The following TMEM141 variants were observed in gnomAD, a reference collection of about 807,000 sequenced individuals.
TMEM141 encodes transmembrane protein 141.
In TMEM141, 18 loss-of-function variants were observed where a neutral mutation model predicts 15.9. The ratio of observed to expected loss-of-function variants is 1.13; its 90% CI spans 0.78 to 1.68. TMEM141 has a LOEUF of 1.68. Among genes scored for constraint, TMEM141 ranks in the 40% most tolerant of loss-of-function variants. The probability of loss-of-function intolerance (pLI) is 0.00; values close to 1 mark genes in which losing one functional copy is unlikely to be tolerated. For synonymous variants in TMEM141, 69 were observed against 54.0 expected (o/e 1.28, Z -1.22); for missense variants, 161 against 139.5 (o/e 1.15, Z -0.78).
chr9:136,792,464 C>G, intron 4 of TMEM141, 106 bp downstream of exon 4: 1 of 938,688 alleles, frequency 1.1e-6, no homozygotes, highest in East Asian at 2.6e-5. Flanking sequence ...GACAAGGTCC[C>G]TCCCTCTGGC....
At position 136,793,114 on chromosome 9, in the gene TMEM141, T is replaced by TG; in HGVS notation, c.*287dup. The TG allele has an allele frequency of 3.6e-6, 1 of 275,768 alleles. No individual in the cohort carries two copies. The highest frequency in any genetic ancestry group is 6.7e-6 in the Non-Finnish European group (1 of 148,902). The allele number at this position is 275,768 out of a possible 1,614,324, so 17.1% of individuals were successfully genotyped here. A position where few individuals can be genotyped will look rare whatever the true frequency, so the allele number is the denominator to read the frequency against. ...GCACTGCCAGCAGAGAGGGTGTGTC[T>TG]GGGGGCCACCACCTATGGGACACGG... On this transcript the variant is annotated 3_prime_UTR_variant, in exon 5 of 5. Transcript: ENST00000290079.
At chr9:136,791,657 G>C in intron 1 of TMEM141, 54 bp from the exon 2 acceptor site, 6 of 1,601,188 alleles carry the variant, frequency 3.7e-6, no homozygotes, top group Non-Finnish European at 5.1e-6. Context: ...GACAGGAGAG[G>C]CGGTGAAGGA....
rs375076549 is a variant in TMEM141 at position 136,792,281 on chromosome 9, C to G, written c.236C>G (p.Thr79Arg). The part of the protein sequence containing the change: ...VAGSVVSYGV[T>R]RVESEKCNNL... The stretch of plus-strand genomic sequence containing the variant: ...GGCTCTGTGGTCAGCTACGGGGTGA[C>G]GAGAGTGGAGTCGGAGAAATGCAAC... The change falls in exon 4 of 5, where the codon ACG (threonine) becomes AGG (arginine). Residue 79 changes from threonine (T) to arginine (R), a missense_variant. Transcript: ENST00000290079. The G allele has an allele frequency of 3.8e-6, 6 of 1,588,140 alleles. No individual in the cohort carries two copies. The East Asian group carries it at 1.4e-4, about 36-fold the overall frequency.
Position 136,791,752 on chromosome 9 carries a change from G to C in TMEM141, c.96G>C (p.Met32Ile). Reference protein sequence around the residue: ...EYAACQSHAFMKGVFTFVTGT... With the variant: ...EYAACQSHAFIKGVFTFVTGT... ...CCGCATGCCAGTCACACGCCTTCAT[G>C]AAGGGCGTTTTCACCTTCGTCACAG... Residue 32 changes from methionine to isoleucine, a missense_variant, in exon 2 of 5, where the codon ATG (methionine) becomes ATC (isoleucine). Coordinates refer to ENST00000290079, the MANE Select transcript of TMEM141 (RefSeq NM_032928.4). 2 of 1,613,612 alleles carry C rather than the reference G, an allele frequency of 1.2e-6. No individual in the cohort carries two copies. The highest frequency in any genetic ancestry group is 1.7e-6 in the Non-Finnish European group (2 of 1,179,932).
At chr9:136,792,166 C>A in intron 3 of TMEM141, 85 bp from the exon 4 acceptor site, 1 of 1,495,676 alleles carries the variant, frequency 6.7e-7, no homozygotes. Flanking sequence ...CCACCCACCA[C>A]GTCTGTCAGG....
Position 136,791,789 on chromosome 9 carries a change from C to A in TMEM141, c.121+12C>A. 1.2e-6 allele frequency: 2 copies of A among 1,612,690 alleles called. No homozygotes were observed. The highest frequency in any genetic ancestry group is 1.7e-6 in the Non-Finnish European group (2 of 1,179,584). ...CACCTTCGTCACAGGTAGGCTGCGT[C>A]CAGGTGTCCTGCGGCTGGGAGAGAA... On this transcript the variant is annotated intron_variant, in intron 2 of 4. Coordinates refer to ENST00000290079, the MANE Select transcript of TMEM141 (RefSeq NM_032928.4).
rs979053085 is a variant in TMEM141, at chr9:136,791,978, C to T, written c.153C>T (p.Phe51=). The T allele has an allele frequency of 3.7e-6, 6 of 1,614,004 alleles. No homozygotes were observed. Among genetic ancestry groups the T allele is most frequent in the Non-Finnish European group, 5.1e-6 (6 of 1,180,028 alleles). ...GTGMAFGLQM[F]IQRKFPYPLQ... ...GCATGGCCTTTGGCTTGCAGATGTT[C>T]ATTCAGAGGAAGTTTCCATACCCTT... is the stretch of plus-strand genomic sequence containing the variant. Residue 51 remains phenylalanine, a synonymous_variant, in exon 3 of 5, where the codon TTC becomes TTT. Transcript: ENST00000290079.
intron 3 of TMEM141, 108 bp from the exon 4 acceptor site, chr9:136,792,143 G>A (rs1847597729): frequency 5.9e-6 from 9 of 1,515,562 alleles, no homozygotes; most frequent in Non-Finnish European, 7.2e-6. Context: ...CTCGGCGGGA[G>A]CCCCACCTGA....
chr9:136,791,765 A>G lies in TMEM141; in HGVS notation c.109A>G (p.Thr37Ala), dbSNP rs773274184. The change falls in exon 2 of 5, where the codon ACC becomes GCC. Residue 37 changes from threonine (T) to alanine (A), a missense_variant. Physicochemically the swap from Thr to Ala is moderately conservative, Grantham distance 58. Coordinates refer to ENST00000290079, the MANE Select transcript of TMEM141 (RefSeq NM_032928.4). ...ACACGCCTTCATGAAGGGCGTTTTC[A>G]CCTTCGTCACAGGTAGGCTGCGTCC... is the stretch of plus-strand genomic sequence containing the variant. ...QSHAFMKGVF[T>A]FVTGTGMAFG... 1.2e-6 allele frequency: 2 copies of G among 1,613,412 alleles called. No homozygotes were observed. The highest frequency in any genetic ancestry group is 1.7e-6 in the Non-Finnish European group (2 of 1,179,872).
In TMEM141 at chr9:136,791,870, G is replaced by T. The variant is rs563963930; in HGVS notation, c.122-77G>T. 93 of 1,609,408 alleles carry T rather than the reference G, an allele frequency of 5.8e-5. No individual in the cohort carries two copies. In the African/African-American group the frequency reaches 1.1e-3, roughly 19 times the overall value. On this transcript the variant is annotated intron_variant, in intron 2 of 4. Transcript: ENST00000290079. ...GCAGGGGGCGCCAAGTCACCTGCCC[G>T]CAGGTGCTGGGGGCCTGGCAAGGTG...
At chr9:136,791,826 G>A in intron 2 of TMEM141, 49 bp downstream of exon 2, 1 of 1,602,048 alleles carries the variant, frequency 6.2e-7, no homozygotes, top group South Asian at 1.1e-5. Context: ...GCACCCTCCC[G>A]CCCTGCCCTG....
In TMEM141 at chr9:136,791,825, C is replaced by T. The variant is rs778867422; in HGVS notation, c.121+48C>T. 4 of 1,608,104 alleles carry T rather than the reference C, an allele frequency of 2.5e-6. 1 individual carries two copies. The highest frequency in any genetic ancestry group is 2.2e-5 in the South Asian group (2 of 90,460). ...GCGGCTGGGAGAGAACGCACCCTCC[C>T]GCCCTGCCCTGACTCCCCAGCAGGG... On this transcript the variant is annotated intron_variant, in intron 2 of 4. Coordinates refer to ENST00000290079, the MANE Select transcript of TMEM141 (RefSeq NM_032928.4).
chr9:136,791,454 C>G lies in TMEM141; in HGVS notation c.54+30C>G, dbSNP rs373124590. The G allele has an allele frequency of 1.8e-5, 28 of 1,551,652 alleles. No individual in the cohort carries two copies. The East Asian group carries it at 3.4e-4, about 19-fold the overall frequency. On this transcript the variant is annotated intron_variant, in intron 1 of 4. Transcript: ENST00000290079. Reference sequence around the variant, plus strand: ...GAAGGCCGGTCTGGGACGCGGGCCTCAAACCCCAGAAGCTGACCTGAGCGA... The same window carrying G: ...GAAGGCCGGTCTGGGACGCGGGCCTGAAACCCCAGAAGCTGACCTGAGCGA...
In TMEM141 at chr9:136,792,886, G is replaced by A. The variant is rs1388488990; in HGVS notation, c.*54G>A. On this transcript the variant is annotated 3_prime_UTR_variant, in exon 5 of 5. Coordinates refer to ENST00000290079, the MANE Select transcript of TMEM141 (RefSeq NM_032928.4). ...GGGGGCAGGAGGAGTCTGGAACACA[G>A]CCTTCATGCCCCCTGACCCCAGGCC... The A allele has an allele frequency of 1.4e-6, 2 of 1,477,110 alleles. No individual in the cohort carries two copies. The highest frequency in any genetic ancestry group is 1.8e-6 in the Non-Finnish European group (2 of 1,110,600). The allele number at this position is 1,477,110 out of a possible 1,614,324, so 91.5% of individuals were successfully genotyped here.
chr9:136,792,100 C>T (rs959987307), intron 3 of TMEM141, 70 bp downstream of exon 3: 1 of 1,593,564 alleles, frequency 6.3e-7, no homozygotes, highest in Non-Finnish European at 8.6e-7. Context: ...GGCTGTGGTT[C>T]TGCGTCCCTG....
chr9:136,791,460 C>G (rs1252567863), intron 1 of TMEM141, 36 bp downstream of exon 1: 2 of 1,551,304 alleles, frequency 1.3e-6, no homozygotes, highest in Non-Finnish European at 1.7e-6. Context: ...GCCTCAAACC[C>G]CAGAAGCTGA....
At position 136,791,947 on chromosome 9, in the gene TMEM141, G is replaced by A; in HGVS notation, c.122G>A (p.Gly41Asp). ...FMKGVFTFVT[G>D]TGMAFGLQMF... The stretch of plus-strand genomic sequence containing the variant: ...TGATGGGGACCTCGGCTCTTTGCAG[G>A]CACCGGCATGGCCTTTGGCTTGCAG... The change falls in exon 3 of 5, where the codon GGC (glycine) becomes GAC (aspartate). Residue 41 changes from glycine to aspartate, a missense_variant and splice_region_variant. Transcript: ENST00000290079. 5 of 1,614,114 alleles carry A rather than the reference G, an allele frequency of 3.1e-6. No homozygotes were observed. The highest frequency in any genetic ancestry group is 1.1e-5 in the South Asian group (1 of 91,088).
rs1430515033 is a variant in TMEM141 at position 136,791,874 on chromosome 9, G to A, written c.122-73G>A. 50 of 1,611,242 alleles carry A rather than the reference G, an allele frequency of 3.1e-5. 1 individual carries two copies. In the Admixed American group the frequency reaches 8.4e-4, roughly 27 times the overall value. ...GGGGCGCCAAGTCACCTGCCCGCAG[G>A]TGCTGGGGGCCTGGCAAGGTGGGCC... is the stretch of plus-strand genomic sequence containing the variant. On this transcript the variant is annotated intron_variant, in intron 2 of 4. Transcript: ENST00000290079.
chr9:136,791,348 C>T lies in TMEM141; in HGVS notation c.-23C>T. 3.9e-6 allele frequency: 6 copies of T among 1,553,218 alleles called. No homozygotes were observed. The highest frequency in any genetic ancestry group is 5.2e-6 in the Non-Finnish European group (6 of 1,148,692). On this transcript the variant is annotated 5_prime_UTR_variant, in exon 1 of 5. Transcript: ENST00000290079. Reference sequence around the variant, plus strand: ...CCCTTCCGCCTGCGCCTGCGCAGGCCCGCTCCCCGAGCCCTGCCAACCATG... The same window carrying T: ...CCCTTCCGCCTGCGCCTGCGCAGGCTCGCTCCCCGAGCCCTGCCAACCATG...
Sources: allele counts gnomAD v4.1 joint callset, GRCh38; gene constraint gnomAD v4.1.1; transcripts MANE v1.5; gene names NCBI Gene and HGNC (gene_info 2026-07-23, HGNC 2026-07-21).